The following SSX2IP variants were observed in gnomAD, a reference collection of about 807,000 sequenced individuals.
SSX2IP encodes the protein SSX family member 2 interacting protein.
Under a neutral mutation model 84.9 loss-of-function variants are expected in SSX2IP, and 55 were observed. That is an observed-to-expected ratio of 0.65 (90% CI 0.52 to 0.81). SSX2IP has a LOEUF of 0.81. Among genes scored for constraint, SSX2IP ranks in the 30% least tolerant of loss-of-function variants. SSX2IP has a pLI of 0.00. For missense variants in SSX2IP, 664 were observed against 705.2 expected (o/e 0.94, Z 0.66); for synonymous variants, 239 against 234.7 (o/e 1.02, Z -0.17).
chr1:84,671,062 G>A (rs772871669), intron 2 of SSX2IP, 115 bp downstream of exon 2: 21 of 1,257,888 alleles, frequency 1.7e-5, no homozygotes, highest in Non-Finnish European at 1.9e-5. Flanking sequence ...ATTTTACAAC[G>A]ATTTGTCTCT....
At chr1:84,649,613 C>T (rs529031683) in intron 13 of SSX2IP, 1 of 176,758 alleles carries the variant, frequency 5.7e-6, no homozygotes, top group East Asian at 1.7e-4. Context: ...TTTCCAAGGC[C>T]ATTATCTCCT....
At chr1:84,686,381 T>C (rs1655790108) in intron 1 of SSX2IP, among the ~76,000 whole-genome samples, 1 of 152,198 alleles carries the variant, frequency 6.6e-6, no homozygotes, top group Non-Finnish European at 1.5e-5. Flanking sequence ...AGGCATCTAC[T>C]CTCTCACATA....
At chr1:84,688,556 C>T (rs1015547231) in intron 1 of SSX2IP, among the ~76,000 whole-genome samples, 2 of 152,194 alleles carry the variant, frequency 1.3e-5, no homozygotes, top group Admixed American at 6.5e-5. Flanking sequence ...TTTATAAAAC[C>T]GGTGTCACGG....
intron 6 of SSX2IP, 126 bp downstream of exon 6, chr1:84,664,291 G>C: frequency 9.8e-7 from 1 of 1,023,358 alleles, no homozygotes; most frequent in Non-Finnish European, 1.3e-6. Flanking sequence ...AAACACCACT[G>C]AAAATCAATT....
chr1:84,688,329 G>A (rs1015585301), intron 1 of SSX2IP, among the ~76,000 whole-genome samples: 5 of 152,202 alleles, frequency 3.3e-5, no homozygotes, highest in African/African-American at 1.2e-4. Context: ...AACCCACATC[G>A]TATCAAAACC....
Position 84,686,579 on chromosome 1 carries a change from C to A in SSX2IP, c.-90+3792G>T, listed in dbSNP as rs751186200. ...AACTCTAGGCCTAGAACTCACAAGA[C>A]ATCCGAGCACATTTAGATAGATGAA... On this transcript the variant is annotated intron_variant, in intron 1 of 13. Coordinates refer to ENST00000342203, the MANE Select transcript of SSX2IP (RefSeq NM_001166293.2). Among the ~76,000 whole-genome samples the A allele has an allele frequency of 7.7e-4, 117 of 152,212 alleles. 1 individual carries two copies. The highest frequency in any genetic ancestry group is 1.2e-3 in the Non-Finnish European group (85 of 68,014).
intron 11 of SSX2IP, chr1:84,655,311 T>G (rs1254243126): frequency 2.8e-6 from 3 of 1,073,518 alleles, no homozygotes; most frequent in Non-Finnish European, 3.4e-6. Flanking sequence ...TTTGTTGATT[T>G]TTTTTTTTTA....
In SSX2IP at chr1:84,656,428, G is replaced by A. The variant is rs1477829692; in HGVS notation, c.1135C>T (p.His379Tyr). The stretch of plus-strand genomic sequence containing the variant: ...TCGAGTTTTTCAGTTTCTTGTTCAT[G>A]GTCTTGTCGTGAGATTACATCTTCA... ...NDEDVISRQD[H>Y]EQETEKLELE... The change falls in exon 10 of 14, where the codon CAT becomes TAT. Residue 379 changes from histidine (H) to tyrosine (Y), a missense_variant. By Grantham distance (83) the His-to-Tyr change is moderately conservative. Coordinates refer to ENST00000342203, the MANE Select transcript of SSX2IP (RefSeq NM_001166293.2). 1 of 1,613,320 alleles carries A rather than the reference G, an allele frequency of 6.2e-7. No individual in the cohort carries two copies.
chr1:84,671,668 C>A (rs1653600811), intron 1 of SSX2IP, among the ~76,000 whole-genome samples: 1 of 152,066 alleles, frequency 6.6e-6, no homozygotes, highest in Non-Finnish European at 1.5e-5. Flanking sequence ...TGAAAAACTT[C>A]TTCTTGGCCA....
At chr1:84,655,032 G>A (rs1570583195) in intron 11 of SSX2IP, among the ~76,000 whole-genome samples, 1 of 152,002 alleles carries the variant, frequency 6.6e-6, no homozygotes, top group Non-Finnish European at 1.5e-5. Flanking sequence ...GCAAGCAGAC[G>A]AACAAGAGGA....
chr1:84,673,111 T>C (rs938224426), intron 1 of SSX2IP, among the ~76,000 whole-genome samples: 1 of 152,230 alleles, frequency 6.6e-6, no homozygotes, highest in African/African-American at 2.4e-5. Context: ...GGGGAGGCCA[T>C]GTTCTCAAGA....
At position 84,647,982 on chromosome 1, in the gene SSX2IP, G is replaced by C. The variant is rs1308518212; in HGVS notation, c.1671-375C>G. Among the ~76,000 whole-genome samples, 3 of 152,146 alleles carry C rather than the reference G, an allele frequency of 2.0e-5. No homozygotes were observed. The East Asian group carries it at 5.8e-4, about 30-fold the overall frequency. ...ATAAATTTATTTACCAATACTTATA[G>C]TAATTCGGTCATCAGAATCCCTGTA... On this transcript the variant is annotated intron_variant, in intron 13 of 13. Transcript: ENST00000342203.
chr1:84,685,719 G>A (rs1220232410), intron 1 of SSX2IP, among the ~76,000 whole-genome samples: 3 of 152,090 alleles, frequency 2.0e-5, no homozygotes, highest in Admixed American at 6.5e-5. Context: ...TGAGCCTATC[G>A]CCTCATTATA....
At chr1:84,657,424 T>G (rs1032217405) in intron 9 of SSX2IP, among the ~76,000 whole-genome samples, 1 of 152,228 alleles carries the variant, frequency 6.6e-6, no homozygotes, top group East Asian at 1.9e-4. Flanking sequence ...TCCAAATTAA[T>G]ATTTTGCATT....
intron 1 of SSX2IP, among the ~76,000 whole-genome samples, chr1:84,683,568 G>C (rs1462208652): frequency 6.6e-6 from 1 of 152,132 alleles, no homozygotes; most frequent in Non-Finnish European, 1.5e-5. Flanking sequence ...CACCACAACT[G>C]AGTTCTCATT....
intron 11 of SSX2IP, chr1:84,652,284 A>G (rs1461517433): frequency 3.5e-6 from 1 of 288,330 alleles, no homozygotes; most frequent in East Asian, 6.5e-5. Flanking sequence ...TCAGCTGGGC[A>G]TGGTGGCACA....
chr1:84,672,146 T>C (rs181331871), intron 1 of SSX2IP, among the ~76,000 whole-genome samples: 1 of 152,298 alleles, frequency 6.6e-6, no homozygotes, highest in Non-Finnish European at 1.5e-5. Flanking sequence ...GAGATAAATA[T>C]TTCTCCATCA....
intron 1 of SSX2IP, among the ~76,000 whole-genome samples, chr1:84,679,538 T>C (rs141334193): frequency 6.6e-6 from 1 of 152,234 alleles, no homozygotes; most frequent in Non-Finnish European, 1.5e-5. Flanking sequence ...GAAAGTACAG[T>C]GCAAACAATG....
chr1:84,658,175 G>A, intron 9 of SSX2IP, 143 bp downstream of exon 9: 1 of 774,126 alleles, frequency 1.3e-6, no homozygotes, highest in Non-Finnish European at 2.0e-6. Context: ...AAAAATAAAT[G>A]TATGCAAAAT....
Sources: gnomAD v4.1 joint callset for allele counts (sites outside exome capture counted in the v4.1 genomes callset) on GRCh38, gnomAD v4.1.1 for gene constraint, MANE v1.5 for transcripts, NCBI Gene and HGNC (gene_info 2026-07-23, HGNC 2026-07-21) for gene names.